Variants in TRIM36 observed in about 807,000 individuals in gnomAD.
TRIM36 encodes the protein tripartite motif containing 36.
A neutral mutation model predicts 72.4 loss-of-function variants in TRIM36; 42 were observed. The ratio of observed to expected loss-of-function variants is 0.58; its 90% CI spans 0.45 to 0.75. TRIM36 has a LOEUF of 0.75. Ranked by LOEUF, TRIM36 falls within the 30% of genes least tolerant of loss-of-function variation. TRIM36 has a pLI of 0.00. For synonymous variants in TRIM36, 315 were observed against 282.8 expected, an observed-to-expected ratio of 1.11 and a Z score of -1.14; for missense variants, 913 against 857.1, an observed-to-expected ratio of 1.07 and a Z score of -0.81.
rs143873874 is a variant in TRIM36 at position 115,144,453 on chromosome 5, A to C, written c.735+145T>G. Reference sequence around the variant, plus strand: ...TGTTGATCAGAAATACTAACAACCTAATATTAGTAGATCGCTAAGTAACAC... The same window carrying C: ...TGTTGATCAGAAATACTAACAACCTCATATTAGTAGATCGCTAAGTAACAC... On this transcript the variant is annotated intron_variant, in intron 4 of 9. Transcript: ENST00000513154. 2.7e-4 allele frequency: 263 copies of C among 959,742 alleles called. No individual in the cohort carries two copies. In the African/African-American group the frequency reaches 4.1e-3, roughly 15 times the overall value. The allele number at this position is 959,742 out of a possible 1,614,324, so 59.5% of individuals were successfully genotyped here. A position where few individuals can be genotyped will look rare whatever the true frequency, so the allele number is the denominator to read the frequency against.
Position 115,147,300 on chromosome 5 carries a change from A to C in TRIM36, c.357T>G (p.Gly119=), listed in dbSNP as rs751569497. ...TTTCCAAAGTGAAGTTTCGAAACAG[A>C]CCATTGATTCCTCGTTCTCCAAGAT... is the stretch of plus-strand genomic sequence containing the variant. The part of the protein sequence containing the change: ...DVDLGERGIN[G]LFRNFTLETI... The change falls in exon 3 of 10, where the codon GGT becomes GGG. Residue 119 remains glycine, a synonymous_variant. Coordinates refer to ENST00000513154, the MANE Select transcript of TRIM36 (RefSeq NM_001300759.2). 6.2e-7 allele frequency: 1 copy of C among 1,614,230 alleles called. No individual in the cohort carries two copies. Among genetic ancestry groups the C allele is most frequent in the Admixed American group, 1.7e-5 (1 of 60,016 alleles).
chr5:115,134,762 G>T (rs953245768), intron 7 of TRIM36, among the ~76,000 whole-genome samples: 1 of 152,040 alleles, frequency 6.6e-6, no homozygotes, highest in African/African-American at 2.4e-5. Flanking sequence ...GGATGTTCTC[G>T]ATCTCCTGAC....
At chr5:115,160,585 C>G (rs1248947593) in intron 2 of TRIM36, among the ~76,000 whole-genome samples, 1 of 152,172 alleles carries the variant, frequency 6.6e-6, no homozygotes, top group Non-Finnish European at 1.5e-5. Context: ...CGCCTGTAAT[C>G]CCAGCACTTT....
intron 8 of TRIM36, 151 bp from the exon 9 acceptor site, chr5:115,131,040 C>G (rs1752649182): frequency 6.5e-6 from 5 of 766,918 alleles, no homozygotes; most frequent in Non-Finnish European, 1.0e-5. Context: ...CAAACCAAAA[C>G]CCAACTTAGC....
intron 9 of TRIM36, among the ~76,000 whole-genome samples, chr5:115,128,564 A>G (rs1371843864): frequency 6.8e-6 from 1 of 148,144 alleles, no homozygotes; most frequent in East Asian, 2.0e-4. Flanking sequence ...CATCCTGGCT[A>G]ACAAGGTGAA....
At chr5:115,159,217 A>C (rs1005153496) in intron 2 of TRIM36, among the ~76,000 whole-genome samples, 5 of 152,224 alleles carry the variant, frequency 3.3e-5, no homozygotes. Context: ...ACGAGCAAAG[A>C]TATCATTAAA....
chr5:115,159,467 C>T (rs1308376567), intron 2 of TRIM36, among the ~76,000 whole-genome samples: 1 of 152,150 alleles, frequency 6.6e-6, no homozygotes, highest in Non-Finnish European at 1.5e-5. Context: ...AACATCAGAA[C>T]TTGCTTGGAA....
At position 115,126,175 on chromosome 5, in the gene TRIM36, TC is replaced by T. The variant is rs537224416; in HGVS notation, c.*327del. 41 of 229,186 alleles carry T rather than the reference TC, an allele frequency of 1.8e-4. No individual in the cohort carries two copies. Among genetic ancestry groups the T allele is most frequent in the Non-Finnish European group, 2.9e-4 (34 of 117,084 alleles). 14.2% of individuals were successfully genotyped at this position (229,186 alleles called of 1,614,324 possible). A position where few individuals can be genotyped will look rare whatever the true frequency, so the allele number is the denominator to read the frequency against. On this transcript the variant is annotated 3_prime_UTR_variant, in exon 10 of 10. Coordinates refer to ENST00000513154, the MANE Select transcript of TRIM36 (RefSeq NM_001300759.2). ...GAGAATCATAATAAATACTTTTGTATCCCCCCCACCATAAGGAAAGTGTCAG... is the reference window on the plus strand; with the variant it reads ...GAGAATCATAATAAATACTTTTGTATCCCCCCACCATAAGGAAAGTGTCAG...
At chr5:115,147,844 C>T (rs1366426223) in intron 2 of TRIM36, among the ~76,000 whole-genome samples, 2 of 152,172 alleles carry the variant, frequency 1.3e-5, no homozygotes, top group Non-Finnish European at 2.9e-5. Flanking sequence ...TAGCACAAAG[C>T]CCATGAAGAG....
At chr5:115,137,762 T>C (rs1753041002) in intron 5 of TRIM36, 146 bp from the exon 6 acceptor site, 9 of 905,102 alleles carry the variant, frequency 9.9e-6, no homozygotes, top group East Asian at 2.8e-5. Context: ...AAAACCAACC[T>C]AGATATTATA....
upstream of TRIM36, chr5:115,174,369 C>G (rs1580716458): frequency 6.6e-6 from 1 of 152,198 alleles, no homozygotes; most frequent in Non-Finnish European, 1.5e-5. Context: ...ATCAAGAGAG[C>G]ACCTGGACTT....
intron 1 of TRIM36, among the ~76,000 whole-genome samples, chr5:115,178,083 A>G (rs1302773719): frequency 6.6e-6 from 1 of 152,164 alleles, no homozygotes; most frequent in Non-Finnish European, 1.5e-5. Flanking sequence ...GACATCCATC[A>G]GTCGGCTTCA....
At chr5:115,175,752 T>C (rs2126958275) in intron 1 of TRIM36, among the ~76,000 whole-genome samples, 1 of 152,242 alleles carries the variant, frequency 6.6e-6, no homozygotes, top group African/African-American at 2.4e-5. Flanking sequence ...AAAATCTAAA[T>C]CTTCTGCCTG....
chr5:115,143,330 A>C (rs1753389061), intron 4 of TRIM36, among the ~76,000 whole-genome samples: 2 of 151,742 alleles, frequency 1.3e-5, no homozygotes, highest in African/African-American at 4.8e-5. Flanking sequence ...AGCCCTTAAA[A>C]TTAAATGCTG....
chr5:115,175,175 CTCAAAT>C (rs1183318159), intron 1 of TRIM36, among the ~76,000 whole-genome samples: 1 of 151,206 alleles, frequency 6.6e-6, no homozygotes, highest in East Asian at 1.9e-4. Flanking sequence ...AAGTATTTAT[CTCAAAT>C]TCAAATTCAA....
chr5:115,151,780 G>C (rs974987208), intron 2 of TRIM36, among the ~76,000 whole-genome samples: 1 of 152,156 alleles, frequency 6.6e-6, no homozygotes, highest in African/African-American at 2.4e-5. Flanking sequence ...CCAGAAGAGA[G>C]AACAATCACT....
intron 1 of TRIM36, among the ~76,000 whole-genome samples, chr5:115,178,562 C>A (rs917023788): frequency 2.6e-5 from 4 of 152,074 alleles, no homozygotes; most frequent in East Asian, 1.9e-4. Flanking sequence ...ACCCTAGGCC[C>A]GAAGGGTGGT....
intron 1 of TRIM36, among the ~76,000 whole-genome samples, chr5:115,167,669 A>G (rs1754861443): frequency 6.6e-6 from 1 of 152,160 alleles, no homozygotes; most frequent in South Asian, 2.1e-4. Flanking sequence ...ACCATTCAAC[A>G]AGTCTCTAGG....
At chr5:115,160,718 C>T (rs1268092596) in intron 2 of TRIM36, among the ~76,000 whole-genome samples, 2 of 152,096 alleles carry the variant, frequency 1.3e-5, no homozygotes, top group African/African-American at 4.8e-5. Flanking sequence ...GAGTAGCATG[C>T]ACCTCTAGTC....
Sources: gnomAD v4.1 joint callset for allele counts (sites outside exome capture counted in the v4.1 genomes callset) on GRCh38, gnomAD v4.1.1 for gene constraint, MANE v1.5 for transcripts, NCBI Gene and HGNC (gene_info 2026-07-23, HGNC 2026-07-21) for gene names.